MAP2K5: variants seen among roughly 807,000 people sequenced by gnomAD.
MAP2K5 encodes mitogen-activated protein kinase kinase 5, also known as dual specificity mitogen-activated protein kinase kinase 5.
Under a neutral mutation model 83.1 loss-of-function variants are expected in MAP2K5, and 49 were observed. That is an observed-to-expected ratio of 0.59 (90% confidence interval 0.47 to 0.75). The LOEUF is 0.75. Among genes scored for constraint, MAP2K5 ranks in the 30% least tolerant of loss-of-function variants. The probability of loss-of-function intolerance (pLI) is 0.00; values close to 1 mark genes in which losing one functional copy is unlikely to be tolerated. For missense variants in MAP2K5, 457 were observed against 557.5 expected (o/e 0.82, Z 1.82); for synonymous variants, 202 against 191.8 (o/e 1.05, Z -0.44).
At position 67,561,706 on chromosome 15, in the gene MAP2K5, T is replaced by C. The variant is rs1183278252; in HGVS notation, c.185-1577T>C. On this transcript the variant is annotated intron_variant, in intron 2 of 21. Transcript: ENST00000178640. The surrounding 1 kb of genome is among the most constrained non-coding windows in gnomAD (Gnocchi z 4.2). ...CACTGAACAGGACTGGTCCAAGTGC[T>C]GGTTTCGATCATGCTATCAGATTGC... Among the ~76,000 whole-genome samples the C allele has an allele frequency of 6.6e-6, 1 of 152,222 alleles. No individual in the cohort carries two copies. The highest frequency in any genetic ancestry group is 1.9e-4 in the East Asian group (1 of 5,202).
chr15:67,740,681 A>G (rs2089471648), intron 17 of MAP2K5, among the ~76,000 whole-genome samples: 1 of 152,162 alleles, frequency 6.6e-6, no homozygotes, highest in African/African-American at 2.4e-5. Context: ...TAAGATTTAT[A>G]TACTTCTCGG....
At chr15:67,756,198 G>A (rs2089830530) in intron 19 of MAP2K5, among the ~76,000 whole-genome samples, 1 of 152,110 alleles carries the variant, frequency 6.6e-6, no homozygotes, top group Non-Finnish European at 1.5e-5. Flanking sequence ...ATGAACTCTA[G>A]GATAAACCAC....
At chr15:67,804,206 G>A (rs1250497511) in intron 21 of MAP2K5, among the ~76,000 whole-genome samples, 1 of 152,184 alleles carries the variant, frequency 6.6e-6, no homozygotes, top group Non-Finnish European at 1.5e-5. Context: ...GGCTTTCTCT[G>A]TTGTGTCCAG....
intron 21 of MAP2K5, among the ~76,000 whole-genome samples, chr15:67,798,801 A>G (rs2090651116): frequency 6.6e-6 from 1 of 152,194 alleles, no homozygotes; most frequent in Non-Finnish European, 1.5e-5. Context: ...GCTGCATACC[A>G]CTTCCCAGGT....
rs2084315584 is a variant in MAP2K5 at position 67,542,710 on chromosome 15, T to TC, written c.-624dup. The TC allele has an allele frequency of 6.5e-6, 1 of 153,978 alleles. No individual in the cohort carries two copies. The highest frequency in any genetic ancestry group is 6.6e-5 in the Admixed American group (1 of 15,248). 9.5% of individuals were successfully genotyped at this position (153,978 alleles called of 1,614,324 possible). A position where few individuals can be genotyped will look rare whatever the true frequency, so the allele number is the denominator to read the frequency against. ...AGTAACAGTGTCGCCGCCGCCTTCC[T>TC]CCTCCTCCTCTCGCCGCTACCGCCG... On this transcript the variant is annotated 5_prime_UTR_variant, in exon 1 of 22. Coordinates refer to ENST00000178640, the MANE Select transcript of MAP2K5 (RefSeq NM_145160.3).
Position 67,565,907 on chromosome 15 carries a change from G to A in MAP2K5, c.252+2557G>A, listed in dbSNP as rs1205081400. Among the ~76,000 whole-genome samples, 1 of 152,178 alleles carries A rather than the reference G, an allele frequency of 6.6e-6. No homozygotes were observed. Among genetic ancestry groups the A allele is most frequent in the Non-Finnish European group, 1.5e-5 (1 of 68,026 alleles). On this transcript the variant is annotated intron_variant, in intron 3 of 21. Coordinates refer to ENST00000178640, the MANE Select transcript of MAP2K5 (RefSeq NM_145160.3). This position sits in a 1 kb window ranked among gnomAD's most constrained non-coding sequence, Gnocchi z 4.1. ...TTACAGGCGTGAGCCAAGGTGCCTGGCCAGGTTGGCTGTCATTTTGATCTG... is the reference window on the plus strand; with the variant it reads ...TTACAGGCGTGAGCCAAGGTGCCTGACCAGGTTGGCTGTCATTTTGATCTG...
intron 8 of MAP2K5, among the ~76,000 whole-genome samples, chr15:67,609,134 G>A (rs1023396992): frequency 2.0e-5 from 3 of 152,134 alleles, no homozygotes; most frequent in African/African-American, 7.2e-5. Context: ...CTGCACAGGT[G>A]TCTCCCAAGC....
intron 17 of MAP2K5, among the ~76,000 whole-genome samples, chr15:67,732,726 C>T (rs1374760685): frequency 6.6e-6 from 1 of 151,410 alleles, no homozygotes; most frequent in Non-Finnish European, 1.5e-5. Context: ...TGTTAATTTT[C>T]CCTGCTCCAT....
chr15:67,559,039 C>T lies in MAP2K5; in HGVS notation c.185-4244C>T, dbSNP rs1002256091. Among the ~76,000 whole-genome samples the T allele has an allele frequency of 6.6e-6, 1 of 152,188 alleles. No homozygotes were observed. Among genetic ancestry groups the T allele is most frequent in the African/African-American group, 2.4e-5 (1 of 41,456 alleles). On this transcript the variant is annotated intron_variant, in intron 2 of 21. Transcript: ENST00000178640. The surrounding 1 kb of genome is among the most constrained non-coding windows in gnomAD (Gnocchi z 4.7). ...TATGAAGATGTGGCCATGGAAAGTA[C>T]GGCCTCTGGTCCTGCCCACGTCATT...
In MAP2K5 at chr15:67,562,503, T is replaced by C. The variant is rs2084756251; in HGVS notation, c.185-780T>C. Among the ~76,000 whole-genome samples the C allele has an allele frequency of 6.6e-6, 1 of 152,218 alleles. No individual in the cohort carries two copies. Among genetic ancestry groups the C allele is most frequent in the Non-Finnish European group, 1.5e-5 (1 of 68,042 alleles). ...AGATGTGGCCTCTGATGATACTTAC[T>C]CAAATTTACACATTCTGGTTATGTA... is the stretch of plus-strand genomic sequence containing the variant. On this transcript the variant is annotated intron_variant, in intron 2 of 21. Transcript: ENST00000178640. The surrounding 1 kb of genome is among the most constrained non-coding windows in gnomAD (Gnocchi z 4.1).
chr15:67,626,563 T>C (rs1221613769), intron 8 of MAP2K5, among the ~76,000 whole-genome samples: 2 of 151,998 alleles, frequency 1.3e-5, no homozygotes, highest in African/African-American at 4.8e-5. Context: ...ATATAGGGGA[T>C]AGGGTTCCAC....
intron 8 of MAP2K5, among the ~76,000 whole-genome samples, chr15:67,612,931 G>A (rs1198157492): frequency 1.3e-5 from 2 of 152,134 alleles, no homozygotes; most frequent in Non-Finnish European, 2.9e-5. Context: ...ATTTCTGCTT[G>A]TTAGTTAAAG....
chr15:67,760,848 G>A lies in MAP2K5; in HGVS notation c.1135-8754G>A, dbSNP rs944757245. 3.9e-5 allele frequency among the ~76,000 whole-genome samples: 6 copies of A among 152,072 alleles called. No individual in the cohort carries two copies. Among genetic ancestry groups the A allele is most frequent in the Non-Finnish European group, 8.8e-5 (6 of 68,010 alleles). ...ATGCTCATTTAATCCACCATGATGG[G>A]ACCTACACACCCTGAGCCCAAGTTG... On this transcript the variant is annotated intron_variant, in intron 19 of 21. Transcript: ENST00000178640. This position sits in a 1 kb window ranked among gnomAD's most constrained non-coding sequence, Gnocchi z 4.1.
chr15:67,609,392 A>G (rs190820314), intron 8 of MAP2K5, among the ~76,000 whole-genome samples: 14 of 151,744 alleles, frequency 9.2e-5, no homozygotes, highest in African/African-American at 2.9e-4. Context: ...CTATAGGTCT[A>G]TAGATTCTAT....
chr15:67,563,539 C>G lies in MAP2K5; in HGVS notation c.252+189C>G, dbSNP rs1401157353. Among the ~76,000 whole-genome samples the G allele has an allele frequency of 6.6e-6, 1 of 152,046 alleles. No individual in the cohort carries two copies. The highest frequency in any genetic ancestry group is 6.6e-5 in the Admixed American group (1 of 15,260). The stretch of plus-strand genomic sequence containing the variant: ...TTATTTTCAAAAGACACTTACTGAT[C>G]ATATCATAAACATTAAGAATAATGC... On this transcript the variant is annotated intron_variant, in intron 3 of 21. Transcript: ENST00000178640. This position sits in a 1 kb window ranked among gnomAD's most constrained non-coding sequence, Gnocchi z 4.5.
rs2090350492 is a variant in MAP2K5, at chr15:67,782,804, C to A, written c.1242+10052C>A. ...CTGGTTTATGCAGGGCCTGTGGCACCAGCTCTGGACTGGAAAGTCCCTTCT... is the reference window on the plus strand; with the variant it reads ...CTGGTTTATGCAGGGCCTGTGGCACAAGCTCTGGACTGGAAAGTCCCTTCT... On this transcript the variant is annotated intron_variant, in intron 21 of 21. Transcript: ENST00000178640. The surrounding 1 kb of genome is among the most constrained non-coding windows in gnomAD (Gnocchi z 4.9). Among the ~76,000 whole-genome samples the A allele has an allele frequency of 6.6e-6, 1 of 152,298 alleles. No homozygotes were observed. Among genetic ancestry groups the A allele is most frequent in the Middle Eastern group, 3.4e-3 (1 of 294 alleles).
At chr15:67,556,343 G>A (rs929470263) in intron 2 of MAP2K5, among the ~76,000 whole-genome samples, 2 of 151,788 alleles carry the variant, frequency 1.3e-5, no homozygotes, top group Non-Finnish European at 2.9e-5. Context: ...GTAACTTCTG[G>A]GTTTATGTCA....
At position 67,566,920 on chromosome 15, in the gene MAP2K5, T is replaced by C. The variant is rs2084851990; in HGVS notation, c.252+3570T>C. On this transcript the variant is annotated intron_variant, in intron 3 of 21. Transcript: ENST00000178640. ...TTGATACATGTGACACGTGGAATAT[T>C]GTATTATGGTAAGGATTTGTCATGA... Among the ~76,000 whole-genome samples the C allele has an allele frequency of 2.0e-5, 3 of 152,236 alleles. No homozygotes were observed. The South Asian group carries it at 6.2e-4, about 31-fold the overall frequency.
chr15:67,548,962 C>T, intron 1 of MAP2K5: 1 of 1,320,676 alleles, frequency 7.6e-7, no homozygotes, highest in South Asian at 1.8e-5. Context: ...CAAATTGCCA[C>T]TGCAGCAAAA....
Sources: allele counts gnomAD v4.1 joint callset (sites outside exome capture counted in the v4.1 genomes callset), GRCh38; gene constraint gnomAD v4.1.1; non-coding constraint Gnocchi (gnomAD v3.1); transcripts MANE v1.5; gene names NCBI Gene and HGNC (gene_info 2026-07-23, HGNC 2026-07-21).